Variants in ANK2 observed in about 807,000 individuals in gnomAD.
ANK2 encodes the protein ankyrin 2, also known as ankyrin-2.
ANK2 carries 83 observed loss-of-function variants against 360.5 expected under a neutral mutation model. The ratio of observed to expected loss-of-function variants is 0.23; its 90% CI spans 0.19 to 0.28. The LOEUF is 0.28. Ranked by LOEUF, ANK2 falls within the 10% of genes least tolerant of loss-of-function variation. The pLI, the probability that ANK2 is intolerant of heterozygous loss-of-function variation, is 1.00. For synonymous variants in ANK2, 1,740 were observed against 1,759.5 expected, an observed-to-expected ratio of 0.99 and a Z score of 0.28; for missense variants, 4,201 against 4,795.7, an observed-to-expected ratio of 0.88 and a Z score of 3.66.
intron 2 of ANK2, among the ~76,000 whole-genome samples, chr4:112,948,725 T>C (rs1255209257): frequency 6.6e-5 from 10 of 152,206 alleles, no homozygotes; most frequent in Non-Finnish European, 1.3e-4. Flanking sequence ...CTAGGCCATA[T>C]ATATCAAAAC....
chr4:113,278,384 T>C, intron 16 of ANK2, 76 bp from the exon 17 acceptor site: 8 of 1,233,468 alleles, frequency 6.5e-6, no homozygotes, highest in Non-Finnish European at 9.6e-6. Context: ...TCAATATCAG[T>C]TTCCAGGCAT....
In ANK2 at chr4:113,363,372, A is replaced by G. The variant is rs2096343304; in HGVS notation, c.10791A>G (p.Gln3597=). The change falls in exon 40 of 46, where the codon CAA becomes CAG. Residue 3597 remains glutamine, a synonymous_variant. Coordinates refer to ENST00000357077, the MANE Select transcript of ANK2 (RefSeq NM_001148.6). The part of the protein sequence containing the change: ...LARELDFTEE[Q]IHQIRIENPN... ...GAGAACTGGATTTCACTGAGGAGCA[A>G]ATTCATCAAATTCGAATTGAAAATC... 2 of 1,613,328 alleles carry G rather than the reference A, an allele frequency of 1.2e-6. No homozygotes were observed. The highest frequency in any genetic ancestry group is 1.7e-6 in the Non-Finnish European group (2 of 1,179,642).
At chr4:113,375,749 A>G (rs542678680) in intron 45 of ANK2, among the ~76,000 whole-genome samples, 25 of 151,488 alleles carry the variant, frequency 1.7e-4, no homozygotes, top group Non-Finnish European at 3.2e-4. Context: ...AAAAAAAGAA[A>G]AAGAAAATGG....
At chr4:113,327,143 T>A (rs1186636736) in intron 26 of ANK2, among the ~76,000 whole-genome samples, 4 of 152,240 alleles carry the variant, frequency 2.6e-5, no homozygotes, top group African/African-American at 9.6e-5. Flanking sequence ...GGTAAATTTA[T>A]CTGCTTGCAG....
intron 2 of ANK2, among the ~76,000 whole-genome samples, chr4:112,985,198 C>T (rs1441404859): frequency 6.6e-6 from 1 of 152,176 alleles, no homozygotes; most frequent in Non-Finnish European, 1.5e-5. Flanking sequence ...TTTTAAAATA[C>T]TATTCTATAC....
chr4:113,319,110 G>A (rs531026154), intron 26 of ANK2, among the ~76,000 whole-genome samples: 70 of 152,160 alleles, frequency 4.6e-4, no homozygotes, highest in Middle Eastern at 6.8e-3. Flanking sequence ...TTGAAGTAGG[G>A]ATATAAACAA....
rs1194679136 is a variant in ANK2 at position 113,335,719 on chromosome 4, G to A, written c.3380-127G>A. 4 of 994,702 alleles carry A rather than the reference G, an allele frequency of 4.0e-6. No individual in the cohort carries two copies. The South Asian group carries it at 4.1e-5, about 10-fold the overall frequency. The allele number at this position is 994,702 out of a possible 1,614,324, so 61.6% of individuals were successfully genotyped here. On this transcript the variant is annotated intron_variant, in intron 29 of 45. Coordinates refer to ENST00000357077, the MANE Select transcript of ANK2 (RefSeq NM_001148.6). ...TAGCCTTGCTTTTTAAAATTGTCCTGTTGTTTCAAAAAAATGTGTTTTGCT... is the reference window on the plus strand; with the variant it reads ...TAGCCTTGCTTTTTAAAATTGTCCTATTGTTTCAAAAAAATGTGTTTTGCT...
At chr4:113,260,582 C>G (rs749865246) in intron 13 of ANK2, among the ~76,000 whole-genome samples, 4 of 152,110 alleles carry the variant, frequency 2.6e-5, no homozygotes, top group Non-Finnish European at 5.9e-5. Context: ...AAATATAGGA[C>G]TCTCAGTTAA....
Position 113,237,278 on chromosome 4 carries a change from G to A in ANK2, c.669+106G>A, listed in dbSNP as rs944170283. The A allele has an allele frequency of 1.2e-5, 16 of 1,355,762 alleles. No homozygotes were observed. The African/African-American group carries it at 1.7e-4, about 15-fold the overall frequency. 84.0% of individuals were successfully genotyped at this position (1,355,762 alleles called of 1,614,324 possible). A position where few individuals can be genotyped will look rare whatever the true frequency, so the allele number is the denominator to read the frequency against. On this transcript the variant is annotated intron_variant, in intron 6 of 45. Transcript: ENST00000357077. ...ATGGTGATAATGCAAAATTATTTCT[G>A]GTCATAAAAAGAGATAAATGACTTT...
intron 1 of ANK2, among the ~76,000 whole-genome samples, chr4:113,171,217 ATCTC>A (rs2097931992): frequency 6.6e-6 from 1 of 152,174 alleles, no homozygotes; most frequent in Non-Finnish European, 1.5e-5. Context: ...AAATTGCTGT[ATCTC>A]TCTCCCTGAA....
chr4:113,378,233 T>A (rs755706648), intron 45 of ANK2: 3 of 967,666 alleles, frequency 3.1e-6, no homozygotes, highest in Non-Finnish European at 4.2e-6. Flanking sequence ...TAAAAATTTT[T>A]CCAATTTTAA....
At chr4:112,818,545 GATTT>G (rs1240288585) in intron 1 of ANK2, among the ~76,000 whole-genome samples, 1 of 152,180 alleles carries the variant, frequency 6.6e-6, no homozygotes, top group East Asian at 1.9e-4. Flanking sequence ...AAAGTGAATT[GATTT>G]ATTTGAGATT....
chr4:112,950,537 A>G (rs920284232), intron 2 of ANK2, among the ~76,000 whole-genome samples: 24 of 151,702 alleles, frequency 1.6e-4, no homozygotes, highest in Admixed American at 1.2e-3. Context: ...CCAGCTACTC[A>G]GGAGGCTGAG....
intron 2 of ANK2, among the ~76,000 whole-genome samples, chr4:112,944,000 G>A (rs1242537636): frequency 1.3e-5 from 2 of 152,034 alleles, no homozygotes; most frequent in Non-Finnish European, 2.9e-5. Flanking sequence ...GTTTTTGGTG[G>A]TCCTTAATTA....
chr4:112,994,365 C>A lies in ANK2; in HGVS notation c.21+89851C>A, dbSNP rs149288989. ...TGCAATAAATGGATGGACACAATTC[C>A]TTCATTGGCAGATTCATAGCAACTA... On this transcript the variant is annotated intron_variant, in intron 2 of 30. Coordinates refer to the ANK2 transcript ENST00000503271. Among the ~76,000 whole-genome samples, 575 of 152,252 alleles carry A rather than the reference C, an allele frequency of 3.8e-3. 4 individuals carry two copies. The highest frequency in any genetic ancestry group is 0.013 in the African/African-American group (553 of 41,538).
chr4:112,971,249 C>G lies in ANK2; in HGVS notation c.21+66735C>G, dbSNP rs570879937. Among the ~76,000 whole-genome samples the G allele has an allele frequency of 2.0e-5, 3 of 152,132 alleles. No homozygotes were observed. In the South Asian group the frequency reaches 6.2e-4, roughly 32 times the overall value. ...AATTAGATGTAAAATTGGTTAATGC[C>G]CAACAGAGCCATAAAGCATACCTTA... On this transcript the variant is annotated intron_variant, in intron 2 of 30. Transcript: ENST00000503271.
chr4:112,916,756 G>A (rs1017711782), intron 2 of ANK2, among the ~76,000 whole-genome samples: 1 of 152,190 alleles, frequency 6.6e-6, no homozygotes, highest in Non-Finnish European at 1.5e-5. Flanking sequence ...ATGAATAGGT[G>A]AGAATTTATG....
At chr4:113,064,477 C>T (rs538366171) in intron 1 of ANK2, among the ~76,000 whole-genome samples, 1 of 152,322 alleles carries the variant, frequency 6.6e-6, no homozygotes, top group South Asian at 2.1e-4. Flanking sequence ...CTGCATTCCA[C>T]AGTGCACATA....
upstream of ANK2, among the ~76,000 whole-genome samples, chr4:113,047,593 T>C (rs2064955738): frequency 6.6e-6 from 1 of 151,834 alleles, no homozygotes; most frequent in Non-Finnish European, 1.5e-5. Flanking sequence ...GAGTAGGAAA[T>C]GGCATGGGGA....
Sources: allele counts gnomAD v4.1 joint callset (sites outside exome capture counted in the v4.1 genomes callset), GRCh38; gene constraint gnomAD v4.1.1; transcripts MANE v1.5; gene names NCBI Gene and HGNC (gene_info 2026-07-23, HGNC 2026-07-21).